RIMS1: variants seen among roughly 807,000 people sequenced by gnomAD.
The protein encoded by RIMS1 is regulating synaptic membrane exocytosis protein 1.
RIMS1 carries 83 observed loss-of-function variants against 214.1 expected under a neutral mutation model. The observed-to-expected ratio is 0.39, with a 90% CI of 0.32 to 0.47. The LOEUF is 0.47. Ranked by LOEUF, RIMS1 falls within the 20% of genes least tolerant of loss-of-function variation. The probability of loss-of-function intolerance (pLI) is 0.99; values close to 1 mark genes in which losing one functional copy is unlikely to be tolerated. For synonymous variants in RIMS1, 793 were observed against 786.8 expected, an observed-to-expected ratio of 1.01 and a Z score of -0.13; for missense variants, 2,050 against 2,161.8, an observed-to-expected ratio of 0.95 and a Z score of 1.03.
intron 6 of RIMS1, among the ~76,000 whole-genome samples, chr6:72,205,595 G>A (rs1402271739): frequency 6.6e-6 from 1 of 152,142 alleles, no homozygotes; most frequent in African/African-American, 2.4e-5. Context: ...CTGAAATCAT[G>A]TAAGAACTTT....
Position 72,258,215 on chromosome 6 carries a change from T to C in RIMS1, c.2861T>C (p.Val954Ala), listed in dbSNP as rs2076656710. 1 of 1,613,392 alleles carries C rather than the reference T, an allele frequency of 6.2e-7. No homozygotes were observed. The highest frequency in any genetic ancestry group is 1.7e-5 in the Admixed American group (1 of 59,924). ...ACAACTCATCACCGCTCACGTTCAG[T>C]ATCTCCTCATCGCGGCAATGATCAG... is the stretch of plus-strand genomic sequence containing the variant. ...QRTTHHRSRS[V>A]SPHRGNDQGK... The change falls in exon 17 of 34, where the codon GTA (valine) becomes GCA (alanine). Residue 954 changes from valine (V) to alanine (A), a missense_variant. By Grantham distance (64) the Val-to-Ala change is moderately conservative. Around this residue, in one of 6 missense-constraint regions of RIMS1, gnomAD observed 889 missense variants for 885.5 expected, o/e 1.00. Coordinates refer to ENST00000521978, the MANE Select transcript of RIMS1 (RefSeq NM_014989.7).
intron 28 of RIMS1, among the ~76,000 whole-genome samples, chr6:72,333,161 C>A (rs2096728377): frequency 6.6e-6 from 1 of 151,840 alleles, no homozygotes. Flanking sequence ...GTTTTCATTT[C>A]TTAAGCCTTG....
intron 2 of RIMS1, among the ~76,000 whole-genome samples, chr6:72,065,755 C>G (rs1829137787): frequency 6.6e-6 from 1 of 151,974 alleles, no homozygotes; most frequent in East Asian, 1.9e-4. Flanking sequence ...TATGACTTGC[C>G]TTTGACCATA....
chr6:72,299,957 T>C (rs2154268031), intron 26 of RIMS1, among the ~76,000 whole-genome samples: 1 of 151,928 alleles, frequency 6.6e-6, no homozygotes, highest in South Asian at 2.1e-4. Context: ...TGTGTTAAGA[T>C]TTCAAAAATA....
At chr6:72,204,858 T>C (rs1407650449) in intron 6 of RIMS1, among the ~76,000 whole-genome samples, 1 of 152,138 alleles carries the variant, frequency 6.6e-6, no homozygotes, top group African/African-American at 2.4e-5. Context: ...AGAAAAGATG[T>C]ATATAAAAGT....
intron 29 of RIMS1, among the ~76,000 whole-genome samples, chr6:72,340,238 T>C (rs1320224374): frequency 2.0e-5 from 3 of 152,090 alleles, no homozygotes; most frequent in African/African-American, 7.2e-5. Flanking sequence ...GTAGGTTGCC[T>C]GTTCACTCTG....
At chr6:72,109,416 C>G (rs1172476650) in intron 4 of RIMS1, among the ~76,000 whole-genome samples, 2 of 151,836 alleles carry the variant, frequency 1.3e-5, no homozygotes, top group South Asian at 2.1e-4. Flanking sequence ...GATGGTATCT[C>G]ATTGTGGTTT....
chr6:71,996,340 G>A (rs959927554), intron 2 of RIMS1, among the ~76,000 whole-genome samples: 9 of 152,252 alleles, frequency 5.9e-5, no homozygotes, highest in Middle Eastern at 3.4e-3. Flanking sequence ...CTATGTCTAA[G>A]TTCAAAACCT....
In RIMS1 at chr6:72,245,759, GC is replaced by G. The variant is rs1305555124; in HGVS notation, c.2082-54del. 3.0e-6 allele frequency: 4 copies of G among 1,352,182 alleles called. No individual in the cohort carries two copies. The African/African-American group carries it at 5.8e-5, about 20-fold the overall frequency. The allele number at this position is 1,352,182 out of a possible 1,614,324, so 83.8% of individuals were successfully genotyped here. ...ACATCACGTATAATGGGCTATGATT[GC>G]CTCAGGCAGGGTCATTTAACTAATG... On this transcript the variant is annotated intron_variant, in intron 10 of 33. Coordinates refer to ENST00000521978, the MANE Select transcript of RIMS1 (RefSeq NM_014989.7).
At chr6:72,269,083 A>G (rs2081860556) in intron 22 of RIMS1, among the ~76,000 whole-genome samples, 1 of 152,150 alleles carries the variant, frequency 6.6e-6, no homozygotes, top group African/African-American at 2.4e-5. Context: ...CTTTCAGAGC[A>G]ATCATATCCT....
intron 1 of RIMS1, among the ~76,000 whole-genome samples, chr6:71,892,583 TG>T (rs1770253571): frequency 6.6e-6 from 1 of 152,104 alleles, no homozygotes; most frequent in Non-Finnish European, 1.5e-5. Context: ...CTTATCTGCT[TG>T]CTGTTTTGCC....
At chr6:72,357,933 TAGC>T (rs1225780817) in intron 29 of RIMS1, among the ~76,000 whole-genome samples, 1 of 152,196 alleles carries the variant, frequency 6.6e-6, no homozygotes, top group African/African-American at 2.4e-5. Context: ...CATCAAAAAA[TAGC>T]AGTTTCTGAG....
At chr6:72,351,844 A>G (rs796597414) in intron 29 of RIMS1, among the ~76,000 whole-genome samples, 4 of 152,362 alleles carry the variant, frequency 2.6e-5, no homozygotes, top group African/African-American at 9.6e-5. Context: ...GGAGAAAATT[A>G]TAACATGTAT....
intron 1 of RIMS1, among the ~76,000 whole-genome samples, chr6:71,939,374 T>C (rs1785369382): frequency 6.6e-6 from 1 of 152,220 alleles, no homozygotes; most frequent in Admixed American, 6.5e-5. Context: ...AGCCCACTTC[T>C]CCAGTTTCTT....
intron 22 of RIMS1, among the ~76,000 whole-genome samples, chr6:72,269,960 A>G (rs566875246): frequency 6.6e-6 from 1 of 152,244 alleles, no homozygotes; most frequent in East Asian, 1.9e-4. Context: ...CAACACACGC[A>G]CATACTTCCT....
chr6:72,263,107 A>C, intron 19 of RIMS1: 1 of 983,292 alleles, frequency 1.0e-6, no homozygotes, highest in African/African-American at 1.7e-5. Context: ...GTCCTATGAG[A>C]TGTTTCACCA....
In RIMS1 at chr6:72,304,598, A is replaced by G. The variant is rs186509069; in HGVS notation, c.3851-2660A>G. ...TAATGTCATTTTATTCTAGATATAT[A>G]GTTGAAAAATAAACATGGTAAAATC... On this transcript the variant is annotated intron_variant, in intron 26 of 33. Coordinates refer to ENST00000521978, the MANE Select transcript of RIMS1 (RefSeq NM_014989.7). 3.4e-3 allele frequency among the ~76,000 whole-genome samples: 512 copies of G among 152,046 alleles called. 1 individual carries two copies. The highest frequency in any genetic ancestry group is 0.012 in the African/African-American group (489 of 41,548).
intron 33 of RIMS1, 120 bp downstream of exon 33, chr6:72,399,214 G>T: frequency 1.4e-6 from 1 of 699,020 alleles, no homozygotes; most frequent in Non-Finnish European, 2.1e-6. Flanking sequence ...TAATATTCTT[G>T]AGTAGACAAA....
At chr6:72,388,971 T>G (rs566627616) in intron 29 of RIMS1, among the ~76,000 whole-genome samples, 17 of 152,258 alleles carry the variant, frequency 1.1e-4, no homozygotes, top group Middle Eastern at 3.4e-3. Flanking sequence ...GGTTAAGACC[T>G]TGATGTATAT....
Sources: allele counts gnomAD v4.1 joint callset (sites outside exome capture counted in the v4.1 genomes callset), GRCh38; gene constraint gnomAD v4.1.1; regional missense constraint gnomAD v4.1.1; transcripts MANE v1.5; gene names NCBI Gene and HGNC (gene_info 2026-07-23, HGNC 2026-07-21).